The following MROH2A variants were observed in gnomAD, a reference collection of about 807,000 sequenced individuals.
MROH2A encodes the protein maestro heat like repeat family member 2A.
In MROH2A, 174 loss-of-function variants were observed where a neutral mutation model predicts 200.4. The observed-to-expected ratio is 0.87, with a 90% CI of 0.77 to 0.98. The LOEUF is 0.98. Ranked by LOEUF, MROH2A falls within the 50% of genes least tolerant of loss-of-function variation. MROH2A has a pLI of 0.00. For synonymous variants in MROH2A, 829 were observed against 840.4 expected, an observed-to-expected ratio of 0.99 and a Z score of 0.23; for missense variants, 2,045 against 2,139.6, an observed-to-expected ratio of 0.96 and a Z score of 0.87.
upstream of MROH2A, among the ~76,000 whole-genome samples, chr2:233,776,522 C>T (rs971580431): frequency 4.0e-5 from 6 of 151,886 alleles, no homozygotes; most frequent in East Asian, 3.9e-4. Flanking sequence ...CCACCACACC[C>T]GGCTAATTTT....
intron 38 of MROH2A, 49 bp downstream of exon 38, chr2:233,829,824 C>G (rs1309787165): frequency 1.6e-6 from 2 of 1,288,000 alleles, no homozygotes; most frequent in African/African-American, 3.1e-5. Context: ...CCGCTGTTCC[C>G]CGAGGAAACA....
At position 233,802,122 on chromosome 2, in the gene MROH2A, G is replaced by A. The variant is rs1171545766; in HGVS notation, c.1561-46G>A. On this transcript the variant is annotated intron_variant, in intron 14 of 41. Transcript: ENST00000389758. ...CTGACTGTTCTCCTTAGAAGCCCAG[G>A]GCTTGGGCTAATTCTGAGCCCCTTT... The A allele has an allele frequency of 2.6e-6, 4 of 1,519,566 alleles. No individual in the cohort carries two copies. The Admixed American group carries it at 6.1e-5, about 23-fold the overall frequency. The allele number at this position is 1,519,566 out of a possible 1,614,324, so 94.1% of individuals were successfully genotyped here. A position where few individuals can be genotyped will look rare whatever the true frequency, so the allele number is the denominator to read the frequency against.
chr2:233,831,859 C>T (rs772689874), intron 39 of MROH2A, among the ~76,000 whole-genome samples: 1 of 152,204 alleles, frequency 6.6e-6, no homozygotes, highest in Non-Finnish European at 1.5e-5. Context: ...TGATATTTTA[C>T]AATTTTTGGG....
Position 233,796,261 on chromosome 2 carries a change from G to C in MROH2A, c.1200G>C (p.Glu400Asp), listed in dbSNP as rs939767569. ...FFFSQMETNKEAVRVGTLNLI... is the reference protein window; with the variant it reads ...FFFSQMETNKDAVRVGTLNLI... ...TCAGCCAGATGGAGACAAACAAGGA[G>C]GCCGTCCGCGTGGGGACTCTGAATC... Residue 400 changes from glutamate (E) to aspartate (D), a missense_variant, in exon 11 of 42, where the codon GAG becomes GAC. Physicochemically the swap from Glu to Asp is conservative, Grantham distance 45. This residue lies in a region of MROH2A where 831 missense variants were observed against 800.0 expected (regional missense o/e 1.04). Transcript: ENST00000389758. 5.8e-6 allele frequency: 9 copies of C among 1,548,906 alleles called. No individual in the cohort carries two copies. In the African/African-American group the frequency reaches 8.3e-5, roughly 14 times the overall value.
intron 3 of MROH2A, among the ~76,000 whole-genome samples, chr2:233,781,616 G>C (rs2126080300): frequency 6.6e-6 from 1 of 152,100 alleles, no homozygotes; most frequent in African/African-American, 2.4e-5. Context: ...AGCTCCTTGT[G>C]TATTCTGGTT....
In MROH2A at chr2:233,820,465, G is replaced by A. The variant is rs1703862988; in HGVS notation, c.3512+409G>A. Among the ~76,000 whole-genome samples, 2 of 152,186 alleles carry A rather than the reference G, an allele frequency of 1.3e-5. No individual in the cohort carries two copies. Among genetic ancestry groups the A allele is most frequent in the Non-Finnish European group, 2.9e-5 (2 of 68,042 alleles). On this transcript the variant is annotated intron_variant, in intron 31 of 41. Coordinates refer to ENST00000389758, the MANE Select transcript of MROH2A (RefSeq NM_001394639.1). This position sits in a 1 kb window ranked among gnomAD's most constrained non-coding sequence, Gnocchi z 4.1. ...TCTTTCAAAATGTGTCCTAAGAGGGGAAGCGACTTGTCCCAGTCTCCAAGG... is the reference window on the plus strand; with the variant it reads ...TCTTTCAAAATGTGTCCTAAGAGGGAAAGCGACTTGTCCCAGTCTCCAAGG...
chr2:233,819,871 T>TGCC, intron 30 of MROH2A, 31 bp from the exon 31 acceptor site: 1 of 1,477,892 alleles, frequency 6.8e-7, no homozygotes, highest in Non-Finnish European at 9.0e-7. Context: ...GGGCCTGGGC[T>TGCC]GCCCCCCGGT....
chr2:233,776,354 CT>C (rs10568441), upstream of MROH2A, among the ~76,000 whole-genome samples: 49,764 of 110,268 alleles, frequency 0.45, 9,918 homozygotes, highest in Middle Eastern at 0.61. Flanking sequence ...AATGTATTTA[CT>C]TTTTTTTTTT....
chr2:233,822,770 C>T lies in MROH2A; in HGVS notation c.3867-111C>T, dbSNP rs1316531647. 2.2e-6 allele frequency: 3 copies of T among 1,387,360 alleles called. No individual in the cohort carries two copies. The Admixed American group carries it at 6.6e-5, about 30-fold the overall frequency. 85.9% of individuals were successfully genotyped at this position (1,387,360 alleles called of 1,614,324 possible). ...CCTCCCTGGACCTTTCCCTCAGTCC[C>T]TTGGGCTGGGCCCGGCAGGCACTGG... On this transcript the variant is annotated intron_variant, in intron 33 of 41. Transcript: ENST00000389758.
At chr2:233,819,560 C>A in intron 30 of MROH2A, 91 bp downstream of exon 30, 1 of 1,335,130 alleles carries the variant, frequency 7.5e-7, no homozygotes, top group Non-Finnish European at 1.0e-6. Flanking sequence ...CTCACCAGCA[C>A]TCGCTGAGAA....
chr2:233,792,375 C>T (rs977827968), intron 5 of MROH2A, among the ~76,000 whole-genome samples: 26 of 150,654 alleles, frequency 1.7e-4, no homozygotes, highest in East Asian at 1.6e-3. Flanking sequence ...TGCAGTGGCG[C>T]GATCTCGGCT....
intron 14 of MROH2A, among the ~76,000 whole-genome samples, chr2:233,801,511 G>A (rs969262657): frequency 6.6e-6 from 1 of 152,180 alleles, no homozygotes; most frequent in African/African-American, 2.4e-5. Flanking sequence ...ATGCAGTTGT[G>A]GGGGCTGGCA....
chr2:233,799,296 C>G (rs527638627), intron 12 of MROH2A, among the ~76,000 whole-genome samples: 1 of 152,076 alleles, frequency 6.6e-6, no homozygotes, highest in Non-Finnish European at 1.5e-5. Context: ...AAGGGAGGTC[C>G]GGCATAGTGA....
At chr2:233,777,393 G>A (rs1300439757), upstream of MROH2A, among the ~76,000 whole-genome samples, 3 of 152,226 alleles carry the variant, frequency 2.0e-5, no homozygotes, top group African/African-American at 4.8e-5. Flanking sequence ...AGAAGGCTCA[G>A]TGGGGAGTGG....
chr2:233,816,002 T>TG (rs1408272084), intron 26 of MROH2A, among the ~76,000 whole-genome samples: 1 of 152,194 alleles, frequency 6.6e-6, no homozygotes, highest in Non-Finnish European at 1.5e-5. Context: ...CCGAGAATCT[T>TG]TCTGGTTTGG....
chr2:233,819,224 G>A, intron 29 of MROH2A, 93 bp from the exon 30 acceptor site: 1 of 1,280,368 alleles, frequency 7.8e-7, no homozygotes, highest in Admixed American at 2.2e-5. Context: ...TAGGAGCCTG[G>A]AGTGGGGCCA....
At chr2:233,833,106 CCTGAA>C (rs1417137805) in intron 41 of MROH2A, 27 bp from the exon 42 acceptor site, 2 of 1,518,064 alleles carry the variant, frequency 1.3e-6, no homozygotes, top group African/African-American at 2.8e-5. Context: ...CTGGGCGGGG[CCTGAA>C]CCTTCCCTCT....
chr2:233,830,908 G>T (rs1704694467), intron 38 of MROH2A, among the ~76,000 whole-genome samples: 1 of 152,194 alleles, frequency 6.6e-6, no homozygotes, highest in Non-Finnish European at 1.5e-5. Context: ...GGGTGGGGGG[G>T]CTTCAGGGAA....
chr2:233,816,692 T>A, intron 26 of MROH2A, 89 bp from the exon 27 acceptor site: 1 of 769,032 alleles, frequency 1.3e-6, no homozygotes, highest in Middle Eastern at 3.3e-4. Flanking sequence ...TCGATCTGAG[T>A]AGGAGGGTGA....
Sources: allele counts gnomAD v4.1 joint callset (sites outside exome capture counted in the v4.1 genomes callset), GRCh38; gene constraint gnomAD v4.1.1; regional missense constraint gnomAD v4.1.1; non-coding constraint Gnocchi (gnomAD v3.1); transcripts MANE v1.5; gene names NCBI Gene and HGNC (gene_info 2026-07-23, HGNC 2026-07-21).